TACC3: variants seen among roughly 807,000 people sequenced by gnomAD.
TACC3 encodes transforming acidic coiled-coil-containing protein 3.
TACC3 carries 52 observed loss-of-function variants against 86.0 expected under a neutral mutation model. The ratio of observed to expected loss-of-function variants is 0.60; its 90% confidence interval spans 0.48 to 0.76. The LOEUF is 0.76. Among genes scored for constraint, TACC3 ranks in the 30% least tolerant of loss-of-function variants. The probability of loss-of-function intolerance (pLI) is 0.00; values close to 1 mark genes in which losing one functional copy is unlikely to be tolerated. For missense variants in TACC3, 1,120 were observed against 1,070.4 expected, an observed-to-expected ratio of 1.05 and a Z score of -0.65; for synonymous variants, 512 against 430.0, an observed-to-expected ratio of 1.19 and a Z score of -2.36.
Position 1,728,086 on chromosome 4 carries a change from T to A in TACC3, c.684T>A (p.Thr228=), listed in dbSNP as rs749215653. The change falls in exon 4 of 16, where the codon ACT becomes ACA. Residue 228 remains threonine, a synonymous_variant. Transcript: ENST00000313288. ...HGAEEECKAE[T]PHGAEEECRH... ...CCGAGGAAGAATGCAAAGCGGAGAC[T>A]CCGCACGGAGCCGAGGAGGAATGCC... is the stretch of plus-strand genomic sequence containing the variant. 1.4e-5 allele frequency: 23 copies of A among 1,597,030 alleles called. 1 individual carries two copies. The highest frequency in any genetic ancestry group is 1.7e-4 in the Middle Eastern group (1 of 5,728).
In TACC3 at chr4:1,728,097, C is replaced by A. The variant is rs897708279; in HGVS notation, c.695C>A (p.Ala232Asp). 1 of 1,612,274 alleles carries A rather than the reference C, an allele frequency of 6.2e-7. No individual in the cohort carries two copies. Among genetic ancestry groups the A allele is most frequent in the Admixed American group, 1.7e-5 (1 of 59,974 alleles). The change falls in exon 4 of 16, where the codon GCC becomes GAC. Residue 232 changes from alanine to aspartate, a missense_variant. Coordinates refer to ENST00000313288, the MANE Select transcript of TACC3 (RefSeq NM_006342.3). ...EECKAETPHGAEEECRHGGVC... is the reference protein window; with the variant it reads ...EECKAETPHGDEEECRHGGVC... The stretch of plus-strand genomic sequence containing the variant: ...TGCAAAGCGGAGACTCCGCACGGAG[C>A]CGAGGAGGAATGCCGGCACGGTGGG...
intron 1 of TACC3, chr4:1,722,994 C>T (rs562292836): frequency 2.3e-4 from 38 of 166,806 alleles, no homozygotes; most frequent in Admixed American, 1.1e-3. Flanking sequence ...GGTCCTGCCT[C>T]ACGTCACACG....
chr4:1,740,260 G>C (rs986032775), intron 12 of TACC3: 10 of 577,392 alleles, frequency 1.7e-5, no homozygotes, highest in Admixed American at 6.3e-5. Context: ...CTAGCAGTGG[G>C]GCTGTGGTGG....
In TACC3 at chr4:1,735,598, G is replaced by T. The variant is rs1209069661; in HGVS notation, c.1645-133G>T. On this transcript the variant is annotated intron_variant, in intron 7 of 15. Transcript: ENST00000313288. This position sits in a 1 kb window ranked among gnomAD's most constrained non-coding sequence, Gnocchi z 4.2. ...TGGGAATGGTGGTGTCTCGGGCAGGGTTGTGGGTGACCGGGGGTGGGAGTG... is the reference window on the plus strand; with the variant it reads ...TGGGAATGGTGGTGTCTCGGGCAGGTTTGTGGGTGACCGGGGGTGGGAGTG... The T allele has an allele frequency of 1.2e-6, 1 of 810,812 alleles. No homozygotes were observed. The highest frequency in any genetic ancestry group is 2.1e-6 in the Non-Finnish European group (1 of 473,756). 50.2% of individuals were successfully genotyped at this position (810,812 alleles called of 1,614,324 possible).
rs772409213 is a variant in TACC3 at position 1,744,834 on chromosome 4, T to C, written c.2451+2T>C. On this transcript the variant is annotated splice_donor_variant, in intron 15 of 15. Transcript: ENST00000313288. LOFTEE classifies it high-confidence loss of function. ...CTGGAGAAGACAGTGGAGCAGAAGG[T>C]GGGTGCGGGAAGCCCAGCTCAAGGG... 1 of 1,612,904 alleles carries C rather than the reference T, an allele frequency of 6.2e-7. No individual in the cohort carries two copies. Among genetic ancestry groups the C allele is most frequent in the South Asian group, 1.1e-5 (1 of 91,076 alleles).
At chr4:1,740,725 C>G in intron 12 of TACC3, 101 bp from the exon 13 acceptor site, 1 of 1,086,074 alleles carries the variant, frequency 9.2e-7, no homozygotes, top group Non-Finnish European at 1.3e-6. Flanking sequence ...CCCACCTCTC[C>G]TCCTGGCGCT....
At position 1,728,691 on chromosome 4, in the gene TACC3, A is replaced by G; in HGVS notation, c.1289A>G (p.Gln430Arg). 1 of 1,613,700 alleles carries G rather than the reference A, an allele frequency of 6.2e-7. No individual in the cohort carries two copies. Among genetic ancestry groups the G allele is most frequent in the Non-Finnish European group, 8.5e-7 (1 of 1,180,020 alleles). ...ACCAAGTCTGGTTGCAGTGAGGCCC[A>G]GCCCCCAGAAAGCCCTGAGACCAGG... ...GDTKSGCSEA[Q>R]PPESPETRLG... The change falls in exon 4 of 16, where the codon CAG becomes CGG. Residue 430 changes from glutamine to arginine, a missense_variant. Transcript: ENST00000313288.
rs1175644130 is a variant in TACC3 at position 1,741,280 on chromosome 4, C to T, written c.2223+294C>T. On this transcript the variant is annotated intron_variant, in intron 13 of 15. Coordinates refer to ENST00000313288, the MANE Select transcript of TACC3 (RefSeq NM_006342.3). ...CAGGCATCTGTGAGATTTGAGACAG[C>T]GCTGGTGCACCGGGGCCTGGGGCAC... 1.9e-5 allele frequency: 5 copies of T among 263,754 alleles called. No individual in the cohort carries two copies. In the East Asian group the frequency reaches 3.0e-4, roughly 16 times the overall value. The allele number at this position is 263,754 out of a possible 1,614,324, so 16.3% of individuals were successfully genotyped here.
At chr4:1,738,284 G>A in intron 10 of TACC3, 1 of 230,716 alleles carries the variant, frequency 4.3e-6, no homozygotes, top group Non-Finnish European at 8.8e-6. Context: ...AGACAGGGTG[G>A]TTCCGGAGGC....
At position 1,723,519 on chromosome 4, in the gene TACC3, C is replaced by A. The variant is rs905523646; in HGVS notation, c.98C>A (p.Ser33Ter). 3.7e-6 allele frequency: 6 copies of A among 1,613,650 alleles called. No homozygotes were observed. The highest frequency in any genetic ancestry group is 5.1e-6 in the Non-Finnish European group (6 of 1,179,994). Reference protein sequence around the residue: ...LFSPPEVTGRSSVLRVSQKEN... With the variant: ...LFSPPEVTGR ...TCGCCACCAGAAGTTACCGGAAGATCGTCTGTTCTTCGTGTGTCACAGAAA... is the reference window on the plus strand; with the variant it reads ...TCGCCACCAGAAGTTACCGGAAGATAGTCTGTTCTTCGTGTGTCACAGAAA... Residue 33 changes from serine to a stop codon, truncating the protein, a stop_gained, in exon 2 of 16, where the codon TCG (serine) becomes TAG (stop). Coordinates refer to ENST00000313288, the MANE Select transcript of TACC3 (RefSeq NM_006342.3). LOFTEE classifies it high-confidence loss of function.
chr4:1,721,113 C>T (rs866493095), upstream of TACC3: 1 of 256,384 alleles, frequency 3.9e-6, no homozygotes, highest in Non-Finnish European at 7.2e-6. Context: ...CGCTCGGCCG[C>T]TCGCGGGGCG....
At chr4:1,736,036 C>G (rs530600791) in intron 8 of TACC3, among the ~76,000 whole-genome samples, 64 of 152,362 alleles carry the variant, frequency 4.2e-4, no homozygotes, top group African/African-American at 1.5e-3. Context: ...AGCCTACCCT[C>G]CAGCCACAGG....
chr4:1,735,678 G>A lies in TACC3; in HGVS notation c.1645-53G>A, dbSNP rs79038963. On this transcript the variant is annotated intron_variant, in intron 7 of 15. Transcript: ENST00000313288. The surrounding 1 kb of genome is among the most constrained non-coding windows in gnomAD (Gnocchi z 4.2). ...GTGACCTCCCTGGCCCTTAGCCCCC[G>A]TGTGTGTTAGGGGATGGCAGTCAGA... 11 of 927,016 alleles carry A rather than the reference G, an allele frequency of 1.2e-5. No individual in the cohort carries two copies. In the East Asian group the frequency reaches 1.3e-4, roughly 11 times the overall value. The allele number at this position is 927,016 out of a possible 1,614,324, so 57.4% of individuals were successfully genotyped here.
rs1560300070 is a variant in TACC3 at position 1,728,353 on chromosome 4, T to G, written c.951T>G (p.Ser317Arg). Residue 317 changes from serine (S) to arginine (R), a missense_variant, in exon 4 of 16, where the codon AGT (serine) becomes AGG (arginine). Ser to Arg is a moderately radical substitution (Grantham distance 110, BLOSUM62 -1). Transcript: ENST00000313288. ...TGGCTGGCAGGGCCATGACCCTGAG[T>G]CCTCAGGAAGAAGTGGCTGCAGGCC... ...HLVAGRAMTLSPQEEVAAGQM... is the reference protein window; with the variant it reads ...HLVAGRAMTLRPQEEVAAGQM... The G allele has an allele frequency of 6.2e-6, 10 of 1,612,972 alleles. No homozygotes were observed. The East Asian group carries it at 2.2e-4, about 36-fold the overall frequency.
chr4:1,734,070 G>C (rs17132054), intron 6 of TACC3, among the ~76,000 whole-genome samples: 2,471 of 152,224 alleles, frequency 0.016, 87 homozygotes, highest in African/African-American at 0.055. Flanking sequence ...CCGTTTTTTA[G>C]CTTAATTGAG....
chr4:1,740,827 G>C lies in TACC3; in HGVS notation c.2064G>C (p.Glu688Asp). The C allele has an allele frequency of 6.2e-7, 1 of 1,604,792 alleles. No homozygotes were observed. The highest frequency in any genetic ancestry group is 8.5e-7 in the Non-Finnish European group (1 of 1,177,682). Residue 688 changes from glutamate (E) to aspartate (D), a missense_variant and splice_region_variant, in exon 13 of 16, where the codon GAG (glutamate) becomes GAC (aspartate). Transcript: ENST00000313288. ...RFEEVVYQAMEEVQKQKELSK... is the reference protein window; with the variant it reads ...RFEEVVYQAMDEVQKQKELSK... ...AACGTTTGCTTTTCTTTTCTCAAGA[G>C]GAAGTTCAGAAGCAGAAGGAACTTT... is the stretch of plus-strand genomic sequence containing the variant.
At chr4:1,726,306 CATCCTGCACCTCA>C (rs1717685207) in intron 3 of TACC3, among the ~76,000 whole-genome samples, 1 of 152,228 alleles carries the variant, frequency 6.6e-6, no homozygotes, top group South Asian at 2.1e-4. Flanking sequence ...CTGCAGGTGG[CATCCTGCACCTCA>C]GCCCTGCCCT....
Position 1,735,736 on chromosome 4 carries a change from G to A in TACC3, c.1650G>A (p.Lys550=). The part of the protein sequence containing the change: ...YLEQFGTSSF[K]ESALRKQSLY... ...ACTTGCCCTCTTGTCCCCAGTTTAA[G>A]GAGTCGGCCTTGAGGAAGCAGTCCT... Residue 550 remains lysine, a synonymous_variant, in exon 8 of 16, where the codon AAG becomes AAA. Coordinates refer to ENST00000313288, the MANE Select transcript of TACC3 (RefSeq NM_006342.3). This position sits in a 1 kb window ranked among gnomAD's most constrained non-coding sequence, Gnocchi z 4.2. The A allele has an allele frequency of 6.2e-7, 1 of 1,612,512 alleles. No homozygotes were observed. The highest frequency in any genetic ancestry group is 1.3e-5 in the African/African-American group (1 of 74,998).
At chr4:1,740,772 A>G (rs980500125) in intron 12 of TACC3, 54 bp from the exon 13 acceptor site, 55 of 1,537,290 alleles carry the variant, frequency 3.6e-5, no homozygotes, top group Non-Finnish European at 4.3e-5. Context: ...TGTCTCTGGC[A>G]CCCATCGTTT....
Sources: allele counts gnomAD v4.1 joint callset (sites outside exome capture counted in the v4.1 genomes callset), GRCh38; gene constraint gnomAD v4.1.1; non-coding constraint Gnocchi (gnomAD v3.1); transcripts MANE v1.5; gene names NCBI Gene and HGNC (gene_info 2026-07-23, HGNC 2026-07-21).